The following RTN4RL1 variants were observed in gnomAD, a reference collection of about 807,000 sequenced individuals.
The protein encoded by RTN4RL1 is reticulon-4 receptor-like 1.
In RTN4RL1, 7 loss-of-function variants were observed where a neutral mutation model predicts 25.6. The observed-to-expected ratio is 0.27, with a 90% confidence interval of 0.16 to 0.51. RTN4RL1 has a LOEUF of 0.51. Ranked by LOEUF, RTN4RL1 falls within the 20% of genes least tolerant of loss-of-function variation. RTN4RL1 has a pLI of 0.97. For missense variants in RTN4RL1, 500 were observed against 615.6 expected (o/e 0.81, Z 1.99); for synonymous variants, 297 against 288.2 (o/e 1.03, Z -0.31).
intron 1 of RTN4RL1, among the ~76,000 whole-genome samples, chr17:2,007,520 T>C (rs113268976): frequency 5.7e-4 from 86 of 152,148 alleles, no homozygotes; most frequent in Admixed American, 2.1e-3. Context: ...TCTGCTCCCC[T>C]GCCTCTGCTC....
chr17:1,968,896 G>C (rs911771356), intron 1 of RTN4RL1, among the ~76,000 whole-genome samples: 5 of 152,164 alleles, frequency 3.3e-5, no homozygotes, highest in African/African-American at 1.2e-4. Flanking sequence ...TGACAGACTA[G>C]AGGCACAAAT....
chr17:2,015,258 G>C (rs1383578471), intron 1 of RTN4RL1, among the ~76,000 whole-genome samples: 1 of 152,196 alleles, frequency 6.6e-6, no homozygotes, highest in Non-Finnish European at 1.5e-5. Flanking sequence ...GAGAGCAATG[G>C]TGCCAGATGC....
chr17:1,968,880 G>A lies in RTN4RL1; in HGVS notation c.14-31072C>T, dbSNP rs146929795. 6.2e-3 allele frequency among the ~76,000 whole-genome samples: 942 copies of A among 152,246 alleles called. 5 individuals are homozygous for A. Among genetic ancestry groups the A allele is most frequent in the Middle Eastern group, 0.027 (8 of 294 alleles). The stretch of plus-strand genomic sequence containing the variant: ...GTCAGTTTACATGTAGGTATCTATC[G>A]CCGAGTGACAGACTAGAGGCACAAA... On this transcript the variant is annotated intron_variant, in intron 1 of 1. Transcript: ENST00000331238.
intron 1 of RTN4RL1, among the ~76,000 whole-genome samples, chr17:1,961,955 AAAAAG>A (rs1375741311): frequency 1.6e-5 from 2 of 126,508 alleles, no homozygotes; most frequent in Admixed American, 7.8e-5. Flanking sequence ...CTCAAAAAAA[AAAAAG>A]AAAAGAAAAG....
At chr17:1,950,161 G>A (rs189813865) in intron 1 of RTN4RL1, among the ~76,000 whole-genome samples, 36 of 152,330 alleles carry the variant, frequency 2.4e-4, no homozygotes, top group South Asian at 1.7e-3. Flanking sequence ...GGTGAGTTGG[G>A]GGGGAGCAAG....
At position 2,009,890 on chromosome 17, in the gene RTN4RL1, C is replaced by A. The variant is rs538131583; in HGVS notation, c.13+14963G>T. 3.9e-5 allele frequency among the ~76,000 whole-genome samples: 5 copies of A among 128,738 alleles called. 1 individual carries two copies. The South Asian group carries it at 1.4e-3, about 36-fold the overall frequency. The allele number at this position is 128,738 out of a possible 152,430, so 84.5% of individuals were successfully genotyped here. A position where few individuals can be genotyped will look rare whatever the true frequency, so the allele number is the denominator to read the frequency against. ...ATGCCGGCCCTGTCCACAGCCCCAG[C>A]CACGGAGACAGCCAGGTACTGTAGC... is the stretch of plus-strand genomic sequence containing the variant. On this transcript the variant is annotated intron_variant, in intron 1 of 1. Coordinates refer to ENST00000331238, the MANE Select transcript of RTN4RL1 (RefSeq NM_178568.4).
intron 1 of RTN4RL1, among the ~76,000 whole-genome samples, chr17:1,979,826 C>A (rs192081976): frequency 6.6e-6 from 1 of 152,218 alleles, no homozygotes; most frequent in Non-Finnish European, 1.5e-5. Context: ...CCTCCTCCCC[C>A]CTTGACTGCC....
chr17:1,960,014 G>A (rs919793057), intron 1 of RTN4RL1, among the ~76,000 whole-genome samples: 2 of 152,136 alleles, frequency 1.3e-5, no homozygotes, highest in East Asian at 1.9e-4. Flanking sequence ...TGTGTTCACC[G>A]TGTAGGCTTC....
At chr17:1,982,618 G>GAA (rs749539374) in intron 1 of RTN4RL1, among the ~76,000 whole-genome samples, 3 of 62,918 alleles carry the variant, frequency 4.8e-5, no homozygotes, top group Admixed American at 2.8e-4. Flanking sequence ...CGTCTCAAAA[G>GAA]AAAAGAAAAG....
intron 1 of RTN4RL1, among the ~76,000 whole-genome samples, chr17:1,954,799 T>C (rs925245470): frequency 3.3e-5 from 5 of 152,210 alleles, no homozygotes; most frequent in Non-Finnish European, 7.3e-5. Flanking sequence ...AATGAATGAA[T>C]GATTTAGCTG....
chr17:1,948,539 G>A (rs958092725), intron 1 of RTN4RL1, among the ~76,000 whole-genome samples: 3 of 152,140 alleles, frequency 2.0e-5, no homozygotes, highest in African/African-American at 4.8e-5. Flanking sequence ...ACCCACTGCC[G>A]GACAGGCAGA....
intron 1 of RTN4RL1, among the ~76,000 whole-genome samples, chr17:1,950,100 C>T (rs572497421): frequency 3.3e-5 from 5 of 152,012 alleles, no homozygotes; most frequent in African/African-American, 1.2e-4. Context: ...CTGAAGAGCC[C>T]GGGGCGGGAG....
Position 1,936,597 on chromosome 17 carries a change from G to A in RTN4RL1, c.1225C>T (p.Pro409Ser), listed in dbSNP as rs748636006. 3 of 1,583,032 alleles carry A rather than the reference G, an allele frequency of 1.9e-6. No homozygotes were observed. The highest frequency in any genetic ancestry group is 2.6e-6 in the Non-Finnish European group (3 of 1,165,672). The change falls in exon 2 of 2, where the codon CCC (proline) becomes TCC (serine). Residue 409 changes from proline (P) to serine (S), a missense_variant. Pro to Ser is a moderately conservative substitution (Grantham distance 74). This residue lies in a region of RTN4RL1 where 268 missense variants were observed against 274.5 expected (regional missense o/e 0.98). Coordinates refer to ENST00000331238, the MANE Select transcript of RTN4RL1 (RefSeq NM_178568.4). Reference sequence around the variant, plus strand: ...TGCACCCCGCTGGGGGCACGGATGGGGGTCCTGCGGGCACACTTGCCCTTC... The same window carrying A: ...TGCACCCCGCTGGGGGCACGGATGGAGGTCCTGCGGGCACACTTGCCCTTC... The part of the protein sequence containing the change: ...KRKGKCARRT[P>S]IRAPSGVQQA...
At chr17:2,020,203 G>C (rs186539245) in intron 1 of RTN4RL1, 1 of 152,264 alleles carries the variant, frequency 6.6e-6, no homozygotes, top group African/African-American at 2.4e-5. Flanking sequence ...CTGGATTTGG[G>C]CTAAAAAGTC....
rs1915311673 is a variant in RTN4RL1 at position 1,936,700 on chromosome 17, G to A, written c.1122C>T (p.Ala374=). 1.3e-6 allele frequency: 2 copies of A among 1,583,502 alleles called. No homozygotes were observed. The highest frequency in any genetic ancestry group is 1.2e-5 in the South Asian group (1 of 85,736). ...CTGGGGCATAGTCTGGCAGCTCGGGGGCCTGTTTCCCGGCGCCCGCCTTAG... is the reference window on the plus strand; with the variant it reads ...CTGGGGCATAGTCTGGCAGCTCGGGAGCCTGTTTCCCGGCGCCCGCCTTAG... ...QISKAGAGKQ[A]PELPDYAPDY... The change falls in exon 2 of 2, where the codon GCC becomes GCT. Residue 374 remains alanine, a synonymous_variant. Coordinates refer to ENST00000331238, the MANE Select transcript of RTN4RL1 (RefSeq NM_178568.4).
chr17:1,970,962 TTAA>T (rs899238942), intron 1 of RTN4RL1, among the ~76,000 whole-genome samples: 3 of 152,234 alleles, frequency 2.0e-5, no homozygotes, highest in Non-Finnish European at 4.4e-5. Flanking sequence ...CTGCAGTATA[TTAA>T]TGACGGCTGC....
intron 1 of RTN4RL1, among the ~76,000 whole-genome samples, chr17:1,955,588 T>C (rs1411642128): frequency 2.0e-5 from 3 of 149,742 alleles, no homozygotes; most frequent in Non-Finnish European, 3.0e-5. Context: ...TTATTATTAC[T>C]ATTATTATTT....
At chr17:2,021,132 G>A (rs2067195491) in intron 1 of RTN4RL1, among the ~76,000 whole-genome samples, 2 of 152,156 alleles carry the variant, frequency 1.3e-5, no homozygotes, top group Non-Finnish European at 2.9e-5. Context: ...TCACAGAGGT[G>A]GGGCTGTGGC....
rs1028311845 is a variant in RTN4RL1 at position 1,994,192 on chromosome 17, C to G, written c.13+30661G>C. 1.2e-4 allele frequency among the ~76,000 whole-genome samples: 18 copies of G among 151,970 alleles called. No homozygotes were observed. The highest frequency in any genetic ancestry group is 4.4e-4 in the African/African-American group (18 of 41,348). Reference sequence around the variant, plus strand: ...GAGAAGAGTGTGCCCAGGTGGAATTCACAGGCGCTGGGAGCTTGAGGGGGA... The same window carrying G: ...GAGAAGAGTGTGCCCAGGTGGAATTGACAGGCGCTGGGAGCTTGAGGGGGA... On this transcript the variant is annotated intron_variant, in intron 1 of 1. Coordinates refer to ENST00000331238, the MANE Select transcript of RTN4RL1 (RefSeq NM_178568.4). The surrounding 1 kb of genome is among the most constrained non-coding windows in gnomAD (Gnocchi z 4.3).
Sources: gnomAD v4.1 joint callset for allele counts (sites outside exome capture counted in the v4.1 genomes callset) on GRCh38, gnomAD v4.1.1 for gene constraint, gnomAD v4.1.1 regional missense constraint, Gnocchi (gnomAD v3.1) non-coding constraint, MANE v1.5 for transcripts, NCBI Gene and HGNC (gene_info 2026-07-23, HGNC 2026-07-21) for gene names.